CCDC102B: variants seen among roughly 807,000 people sequenced by gnomAD.
The protein encoded by CCDC102B is coiled-coil domain containing 102B.
Under a neutral mutation model 57.4 loss-of-function variants are expected in CCDC102B, and 75 were observed. The observed-to-expected ratio is 1.31, with a 90% CI of 1.08 to 1.58. CCDC102B has a LOEUF of 1.58. Ranked by LOEUF, CCDC102B falls within the 40% of genes most tolerant of loss-of-function variation. The probability of loss-of-function intolerance (pLI) is 0.00; values close to 1 mark genes in which losing one functional copy is unlikely to be tolerated. For missense variants in CCDC102B, 636 were observed against 582.6 expected (o/e 1.09, Z -0.94); for synonymous variants, 206 against 201.9 (o/e 1.02, Z -0.17).
At chr18:68,971,647 T>C (rs2050303400) in intron 6 of CCDC102B, among the ~76,000 whole-genome samples, 1 of 152,184 alleles carries the variant, frequency 6.6e-6, no homozygotes, top group Non-Finnish European at 1.5e-5. Flanking sequence ...GTCTTTTAAA[T>C]GCACAGAGAA....
At chr18:68,751,882 G>T (rs1183485270) in intron 2 of CCDC102B, among the ~76,000 whole-genome samples, 1 of 152,092 alleles carries the variant, frequency 6.6e-6, no homozygotes, top group Admixed American at 6.6e-5. Context: ...CAGAATAATT[G>T]AAAAGAAACC....
chr18:68,829,246 G>C (rs978662820), intron 1 of CCDC102B, among the ~76,000 whole-genome samples: 2 of 151,986 alleles, frequency 1.3e-5, no homozygotes, highest in African/African-American at 4.8e-5. Flanking sequence ...ATGATATCAT[G>C]CATGATTTTA....
At chr18:68,929,070 C>T (rs1038843210) in intron 6 of CCDC102B, among the ~76,000 whole-genome samples, 7 of 151,866 alleles carry the variant, frequency 4.6e-5, no homozygotes, top group African/African-American at 1.4e-4. Context: ...CACATTTCAA[C>T]TCGTCATAGC....
chr18:68,925,222 T>G (rs2041436961), intron 6 of CCDC102B, among the ~76,000 whole-genome samples: 1 of 152,078 alleles, frequency 6.6e-6, no homozygotes, highest in South Asian at 2.1e-4. Context: ...TCGTTAGTTC[T>G]CAAACCTAGC....
intron 7 of CCDC102B, among the ~76,000 whole-genome samples, chr18:69,044,877 A>G (rs1204979976): frequency 1.3e-5 from 2 of 152,156 alleles, no homozygotes; most frequent in African/African-American, 2.4e-5. Context: ...CTTAAACAAC[A>G]GGAATTTATT....
chr18:68,980,810 T>G (rs951275391), intron 6 of CCDC102B, among the ~76,000 whole-genome samples: 4 of 151,970 alleles, frequency 2.6e-5, no homozygotes, highest in Non-Finnish European at 5.9e-5. Flanking sequence ...AGGTCAGAGT[T>G]GACAATGAGT....
chr18:68,960,871 G>A (rs1033887099), intron 6 of CCDC102B, among the ~76,000 whole-genome samples: 3 of 152,152 alleles, frequency 2.0e-5, no homozygotes, highest in Admixed American at 6.6e-5. Context: ...GCCAAGGGAT[G>A]GGGAAGGTGG....
intron 6 of CCDC102B, among the ~76,000 whole-genome samples, chr18:68,933,124 A>T (rs927849392): frequency 2.0e-5 from 3 of 148,932 alleles, no homozygotes; most frequent in African/African-American, 7.4e-5. Flanking sequence ...GGAAGAGATT[A>T]TTCTTTTGCC....
intron 6 of CCDC102B, among the ~76,000 whole-genome samples, chr18:68,920,748 G>C (rs1599693438): frequency 6.6e-6 from 1 of 152,170 alleles, no homozygotes; most frequent in East Asian, 1.9e-4. Context: ...TAAATGCTGA[G>C]TGAAGGTGGA....
At chr18:68,847,038 A>G (rs192286472) in intron 4 of CCDC102B, among the ~76,000 whole-genome samples, 3 of 151,896 alleles carry the variant, frequency 2.0e-5, no homozygotes, top group East Asian at 1.9e-4. Context: ...AATATTTTAC[A>G]TGTTATGTGT....
intron 4 of CCDC102B, among the ~76,000 whole-genome samples, chr18:68,856,577 G>A (rs928001443): frequency 6.6e-6 from 1 of 152,164 alleles, no homozygotes; most frequent in Non-Finnish European, 1.5e-5. Flanking sequence ...GGGATTAAGG[G>A]TGTGAGCCAC....
intron 1 of CCDC102B, among the ~76,000 whole-genome samples, chr18:68,818,705 A>T (rs138226240): frequency 1.3e-5 from 2 of 152,256 alleles, no homozygotes; most frequent in East Asian, 3.9e-4. Flanking sequence ...GCAATAGTTC[A>T]TCTGTTTTTG....
chr18:68,974,946 C>T (rs1161656457), intron 6 of CCDC102B, among the ~76,000 whole-genome samples: 1 of 151,854 alleles, frequency 6.6e-6, no homozygotes, highest in Middle Eastern at 3.4e-3. Flanking sequence ...TTTAAATATA[C>T]AGGCAATACA....
chr18:69,046,168 T>G (rs1260889496), intron 7 of CCDC102B, among the ~76,000 whole-genome samples: 1 of 152,074 alleles, frequency 6.6e-6, no homozygotes, highest in Non-Finnish European at 1.5e-5. Context: ...TTTGGAGGAA[T>G]CACCACACTG....
intron 7 of CCDC102B, among the ~76,000 whole-genome samples, chr18:69,038,044 T>A (rs2052341792): frequency 6.6e-6 from 1 of 152,066 alleles, no homozygotes; most frequent in African/African-American, 2.4e-5. Context: ...TCAGAATGTT[T>A]AAGCAACCAA....
chr18:68,967,199 C>G (rs1334426179), intron 6 of CCDC102B, among the ~76,000 whole-genome samples: 3 of 152,128 alleles, frequency 2.0e-5, no homozygotes, highest in African/African-American at 7.2e-5. Flanking sequence ...GGTGCCCTCT[C>G]CTATCAACCA....
chr18:68,860,308 C>G (rs1184575165), intron 4 of CCDC102B, among the ~76,000 whole-genome samples: 6 of 22,402 alleles, frequency 2.7e-4, no homozygotes, highest in South Asian at 1.4e-3. Context: ...GTGGTGGGGT[C>G]GGGGGAGGGG....
intron 5 of CCDC102B, among the ~76,000 whole-genome samples, chr18:68,886,119 C>G (rs560681613): frequency 9.0e-4 from 136 of 151,518 alleles, no homozygotes; most frequent in African/African-American, 3.1e-3. Flanking sequence ...TTCTGTAATC[C>G]CAGAACTTTG....
chr18:68,900,627 G>A (rs1472395210), intron 6 of CCDC102B, among the ~76,000 whole-genome samples: 1 of 152,046 alleles, frequency 6.6e-6, no homozygotes, highest in Non-Finnish European at 1.5e-5. Flanking sequence ...ATGTCACACT[G>A]TGTTCAAAAA....
Sources: allele counts gnomAD v4.1 joint callset (sites outside exome capture counted in the v4.1 genomes callset), GRCh38; gene constraint gnomAD v4.1.1; transcripts MANE v1.5; gene names NCBI Gene and HGNC (gene_info 2026-07-23, HGNC 2026-07-21).